GRB2: variants seen among roughly 807,000 people sequenced by gnomAD.
The protein encoded by GRB2 is growth factor receptor bound protein 2.
GRB2 carries 2 observed loss-of-function variants against 27.4 expected under a neutral mutation model. The ratio of observed to expected loss-of-function variants is 0.07; its 90% CI spans 0.03 to 0.23. GRB2 has a LOEUF of 0.23. Among genes scored for constraint, GRB2 ranks in the 10% least tolerant of loss-of-function variants. GRB2 has a pLI of 1.00. For missense variants in GRB2, 102 were observed against 282.4 expected, an observed-to-expected ratio of 0.36 and a Z score of 4.58; for synonymous variants, 94 against 99.6, an observed-to-expected ratio of 0.94 and a Z score of 0.33.
At position 75,320,667 on chromosome 17, in the gene GRB2, C is replaced by T; in HGVS notation, c.469-114G>A. The T allele has an allele frequency of 1.4e-6, 1 of 720,444 alleles. No homozygotes were observed. The allele number at this position is 720,444 out of a possible 1,614,324, so 44.6% of individuals were successfully genotyped here. A position where few individuals can be genotyped will look rare whatever the true frequency, so the allele number is the denominator to read the frequency against. ...AATGCGTGCCAAATTCTCCATGTTT[C>T]TTAAACTCACCTCCCATCTCCCAAC... On this transcript the variant is annotated intron_variant, in intron 5 of 5. Transcript: ENST00000316804. This position sits in a 1 kb window ranked among gnomAD's most constrained non-coding sequence, Gnocchi z 4.3.
chr17:75,331,957 A>G (rs2078544048), intron 3 of GRB2, among the ~76,000 whole-genome samples: 1 of 152,186 alleles, frequency 6.6e-6, no homozygotes, highest in South Asian at 2.1e-4. Flanking sequence ...AGCTGCTGTG[A>G]AAGCAAGTGG....
At chr17:75,353,184 CAAAAA>C (rs71159495) in intron 2 of GRB2, among the ~76,000 whole-genome samples, 1 of 124,616 alleles carries the variant, frequency 8.0e-6, no homozygotes, top group African/African-American at 3.4e-5. Context: ...GACTCCGTCT[CAAAAA>C]AAAAAAAAAA....
chr17:75,355,420 C>T (rs2078725349), intron 2 of GRB2, among the ~76,000 whole-genome samples: 1 of 152,032 alleles, frequency 6.6e-6, no homozygotes, highest in Non-Finnish European at 1.5e-5. Context: ...CTCTCCTCCT[C>T]CCCAAACATC....
chr17:75,322,187 A>G (rs527568277), intron 4 of GRB2, among the ~76,000 whole-genome samples: 2 of 152,338 alleles, frequency 1.3e-5, no homozygotes, highest in Admixed American at 1.3e-4. Flanking sequence ...AGCCTGGCCA[A>G]CATGGAGAAA....
chr17:75,361,870 C>A (rs1447330306), intron 2 of GRB2, among the ~76,000 whole-genome samples: 1 of 147,836 alleles, frequency 6.8e-6, no homozygotes, highest in Non-Finnish European at 1.5e-5. Context: ...CAGTCTGTGT[C>A]TTTATTAAAA....
At chr17:75,321,542 C>T (rs2078459907) in intron 5 of GRB2, 117 bp downstream of exon 5, 8 of 870,480 alleles carry the variant, frequency 9.2e-6, no homozygotes, top group South Asian at 4.6e-5. Context: ...GAAGCCCCAG[C>T]GGCAATCCCT....
intron 4 of GRB2, among the ~76,000 whole-genome samples, chr17:75,322,886 G>A (rs2078470083): frequency 1.3e-5 from 2 of 152,164 alleles, no homozygotes; most frequent in African/African-American, 4.8e-5. Context: ...TTGGGAGGCC[G>A]AGGTGGGCGG....
At chr17:75,363,279 G>A (rs2145849291) in intron 2 of GRB2, among the ~76,000 whole-genome samples, 1 of 152,170 alleles carries the variant, frequency 6.6e-6, no homozygotes, top group South Asian at 2.1e-4. Flanking sequence ...CATAAATAAG[G>A]AACTGCCAGG....
intron 2 of GRB2, among the ~76,000 whole-genome samples, chr17:75,334,659 G>A (rs985685875): frequency 6.6e-6 from 1 of 152,094 alleles, no homozygotes; most frequent in African/African-American, 2.4e-5. Flanking sequence ...GTTTTAACAG[G>A]CCAGGTGTGC....
At chr17:75,352,975 G>C (rs927372636) in intron 2 of GRB2, among the ~76,000 whole-genome samples, 1 of 151,398 alleles carries the variant, frequency 6.6e-6, no homozygotes, top group Non-Finnish European at 1.5e-5. Context: ...CAGAAGGTCA[G>C]GAGATCGAGA....
intron 2 of GRB2, among the ~76,000 whole-genome samples, chr17:75,386,337 G>A (rs2078963735): frequency 6.6e-6 from 1 of 152,086 alleles, no homozygotes; most frequent in African/African-American, 2.4e-5. Context: ...CGGGCTGGTC[G>A]CAAACTCTGA....
chr17:75,374,112 A>C (rs970652669), intron 2 of GRB2, among the ~76,000 whole-genome samples: 4 of 151,662 alleles, frequency 2.6e-5, no homozygotes, highest in Non-Finnish European at 5.9e-5. Context: ...GATATTCTTA[A>C]GAATTTATCA....
intron 2 of GRB2, among the ~76,000 whole-genome samples, chr17:75,384,292 C>G (rs560096705): frequency 6.6e-6 from 1 of 152,320 alleles, no homozygotes; most frequent in Admixed American, 6.5e-5. Context: ...CAGCAGAGCA[C>G]TTCACCTTCC....
chr17:75,335,096 G>T (rs140140782), intron 2 of GRB2, among the ~76,000 whole-genome samples: 6 of 152,198 alleles, frequency 3.9e-5, no homozygotes, highest in Non-Finnish European at 7.4e-5. Context: ...GAGCCACTGC[G>T]ATTGGCCAAA....
chr17:75,396,690 C>A (rs1369223923), intron 1 of GRB2, among the ~76,000 whole-genome samples: 3 of 152,058 alleles, frequency 2.0e-5, no homozygotes, highest in Non-Finnish European at 4.4e-5. Context: ...CCACGCCCAG[C>A]CCTATTTTTA....
At chr17:75,337,901 C>T (rs12600432) in intron 2 of GRB2, among the ~76,000 whole-genome samples, 14,746 of 117,002 alleles carry the variant, frequency 0.13, 1,749 homozygotes, top group African/African-American at 0.38. Context: ...ACTACTACTA[C>T]TATTATTATT....
intron 2 of GRB2, among the ~76,000 whole-genome samples, chr17:75,333,516 A>C (rs1285129195): frequency 6.6e-6 from 1 of 152,140 alleles, no homozygotes; most frequent in Non-Finnish European, 1.5e-5. Flanking sequence ...CAGCAGAACT[A>C]AGCAGCAACA....
intron 2 of GRB2, among the ~76,000 whole-genome samples, chr17:75,374,395 C>T (rs1416162789): frequency 1.9e-5 from 2 of 102,928 alleles, no homozygotes; most frequent in East Asian, 2.9e-4. Context: ...CAGAGTAAGA[C>T]TCCATATCAA....
At chr17:75,374,132 G>T (rs955411731) in intron 2 of GRB2, among the ~76,000 whole-genome samples, 2 of 151,752 alleles carry the variant, frequency 1.3e-5, no homozygotes, top group African/African-American at 4.8e-5. Context: ...AAGGCCAGGC[G>T]CAGAGGCTCA....
Sources: allele counts gnomAD v4.1 joint callset (sites outside exome capture counted in the v4.1 genomes callset), GRCh38; gene constraint gnomAD v4.1.1; non-coding constraint Gnocchi (gnomAD v3.1); transcripts MANE v1.5; gene names NCBI Gene and HGNC (gene_info 2026-07-23, HGNC 2026-07-21).